Variants in STX8 observed in about 807,000 individuals in gnomAD.
STX8 encodes syntaxin 8, also known as syntaxin-8.
A neutral mutation model predicts 37.5 loss-of-function variants in STX8; 23 were observed. The observed-to-expected ratio is 0.61, with a 90% CI of 0.44 to 0.87. The LOEUF is 0.87. STX8 is among the 40% of genes least tolerant of loss of function. The pLI, the probability that STX8 is intolerant of heterozygous loss-of-function variation, is 0.00. For missense variants in STX8, 313 were observed against 284.7 expected, an observed-to-expected ratio of 1.10 and a Z score of -0.71; for synonymous variants, 115 against 99.1, an observed-to-expected ratio of 1.16 and a Z score of -0.95.
intron 6 of STX8, among the ~76,000 whole-genome samples, chr17:9,384,569 C>G (rs528686238): frequency 2.0e-5 from 3 of 151,848 alleles, no homozygotes; most frequent in Admixed American, 2.0e-4. Flanking sequence ...ACCCGGGAGG[C>G]GGAGCTTGCA....
chr17:9,440,038 T>C lies in STX8; in HGVS notation c.541+51791A>G, dbSNP rs77244136. Among the ~76,000 whole-genome samples, 474 of 152,202 alleles carry C rather than the reference T, an allele frequency of 3.1e-3. 9 individuals are homozygous for C. In the East Asian group the frequency reaches 0.037, roughly 12 times the overall value. On this transcript the variant is annotated intron_variant, in intron 6 of 7. Coordinates refer to ENST00000306357, the MANE Select transcript of STX8 (RefSeq NM_004853.3). ...CTTGGTCAGGATGGACAGGGGAAAT[T>C]TGCAGCCTAAATATAGTGGTGGCAT...
chr17:9,575,735 G>A, intron 1 of STX8, 57 bp downstream of exon 1: 1 of 1,542,478 alleles, frequency 6.5e-7, no homozygotes, highest in Non-Finnish European at 8.8e-7. Flanking sequence ...CTGCTCTCCG[G>A]AAGCCCGGCC....
intron 6 of STX8, among the ~76,000 whole-genome samples, chr17:9,465,133 T>C (rs1905554480): frequency 6.6e-6 from 1 of 152,056 alleles, no homozygotes; most frequent in African/African-American, 2.4e-5. Flanking sequence ...CATCTAATTT[T>C]CCCTCCTTTC....
Position 9,250,495 on chromosome 17 carries a change from A to C in STX8, c.*83T>G, listed in dbSNP as rs1906523518. ...GTCAGAGCTTTGGGGGAATTTATTGAGAGCAGGTTTTGCGTACCAAAAGGG... is the reference window on the plus strand; with the variant it reads ...GTCAGAGCTTTGGGGGAATTTATTGCGAGCAGGTTTTGCGTACCAAAAGGG... On this transcript the variant is annotated 3_prime_UTR_variant, in exon 8 of 8. Transcript: ENST00000306357. The C allele has an allele frequency of 8.0e-7, 1 of 1,253,092 alleles. No individual in the cohort carries two copies. The highest frequency in any genetic ancestry group is 1.5e-5 in the African/African-American group (1 of 67,064). The allele number at this position is 1,253,092 out of a possible 1,614,324, so 77.6% of individuals were successfully genotyped here.
intron 7 of STX8, among the ~76,000 whole-genome samples, chr17:9,272,155 C>A (rs551379260): frequency 1.3e-5 from 2 of 152,214 alleles, no homozygotes; most frequent in Admixed American, 6.5e-5. Flanking sequence ...GTGTGTGGGA[C>A]CAACAGCAGC....
At chr17:9,539,800 G>C (rs1339959506) in intron 4 of STX8, among the ~76,000 whole-genome samples, 1 of 152,154 alleles carries the variant, frequency 6.6e-6, no homozygotes, top group Non-Finnish European at 1.5e-5. Context: ...GGAAATCTCT[G>C]CAAGTCATTG....
intron 6 of STX8, among the ~76,000 whole-genome samples, chr17:9,406,464 G>T (rs952795189): frequency 1.3e-5 from 2 of 152,138 alleles, no homozygotes; most frequent in African/African-American, 4.8e-5. Context: ...AGCAACAGGA[G>T]GTGACTATGA....
chr17:9,540,363 A>G (rs1906230481), intron 4 of STX8, among the ~76,000 whole-genome samples: 1 of 152,142 alleles, frequency 6.6e-6, no homozygotes, highest in Non-Finnish European at 1.5e-5. Context: ...GCTTTTGTCT[A>G]GTATGAATTT....
intron 6 of STX8, among the ~76,000 whole-genome samples, chr17:9,386,480 T>C (rs1411507492): frequency 6.6e-6 from 1 of 151,748 alleles, no homozygotes; most frequent in East Asian, 1.9e-4. Context: ...CGAAAGGTCA[T>C]ACAAATTCAC....
chr17:9,297,229 G>A (rs1908591868), intron 7 of STX8, among the ~76,000 whole-genome samples: 1 of 139,188 alleles, frequency 7.2e-6, no homozygotes, highest in African/African-American at 2.7e-5. Flanking sequence ...GATAGCATAT[G>A]CCCAGAGTTT....
At chr17:9,458,072 C>T (rs1471805696) in intron 6 of STX8, among the ~76,000 whole-genome samples, 1 of 152,162 alleles carries the variant, frequency 6.6e-6, no homozygotes, top group African/African-American at 2.4e-5. Flanking sequence ...AACCAAGGCT[C>T]GTTTGAATTT....
intron 6 of STX8, among the ~76,000 whole-genome samples, chr17:9,402,960 G>A (rs1305189323): frequency 1.3e-5 from 2 of 152,152 alleles, no homozygotes; most frequent in African/African-American, 2.4e-5. Context: ...AGAGCTTCAC[G>A]AATTCATAGC....
chr17:9,328,643 T>C (rs898684578), intron 7 of STX8, among the ~76,000 whole-genome samples: 1 of 152,152 alleles, frequency 6.6e-6, no homozygotes, highest in Non-Finnish European at 1.5e-5. Flanking sequence ...ATGGCCCTCT[T>C]AGGGCTGTAA....
chr17:9,265,277 G>A (rs767958642), intron 7 of STX8, among the ~76,000 whole-genome samples: 71 of 152,348 alleles, frequency 4.7e-4, no homozygotes, highest in African/African-American at 1.7e-3. Context: ...CAGTTCCAGG[G>A]CAAGAGGTTT....
chr17:9,379,949 CAG>C (rs1567804521), intron 6 of STX8, among the ~76,000 whole-genome samples: 1 of 149,248 alleles, frequency 6.7e-6, no homozygotes, highest in East Asian at 2.0e-4. Flanking sequence ...GTTTGGGCGA[CAG>C]AGAGAGACTC....
chr17:9,447,355 T>C (rs1904886003), intron 6 of STX8, among the ~76,000 whole-genome samples: 3 of 152,240 alleles, frequency 2.0e-5, no homozygotes, highest in African/African-American at 7.2e-5. Context: ...GTTTTTAATA[T>C]AAAATCAAGA....
chr17:9,379,610 C>G (rs1363264940), intron 6 of STX8, among the ~76,000 whole-genome samples: 3 of 152,158 alleles, frequency 2.0e-5, no homozygotes, highest in Non-Finnish European at 1.5e-5. Context: ...TTTAAAATCA[C>G]CAAAACTTTA....
At chr17:9,412,526 A>T (rs1004446022) in intron 6 of STX8, among the ~76,000 whole-genome samples, 1 of 152,126 alleles carries the variant, frequency 6.6e-6, no homozygotes, top group Non-Finnish European at 1.5e-5. Context: ...TGATCCGCCC[A>T]TCTCGGCCTC....
At chr17:9,272,604 G>A (rs910309374) in intron 7 of STX8, among the ~76,000 whole-genome samples, 12 of 152,232 alleles carry the variant, frequency 7.9e-5, no homozygotes, top group Admixed American at 2.6e-4. Context: ...AAGCTAGCGC[G>A]CCAGCGAGCT....
Sources: allele counts gnomAD v4.1 joint callset (sites outside exome capture counted in the v4.1 genomes callset), GRCh38; gene constraint gnomAD v4.1.1; transcripts MANE v1.5; gene names NCBI Gene and HGNC (gene_info 2026-07-23, HGNC 2026-07-21).